The following KALRN variants were observed in gnomAD, a reference collection of about 807,000 sequenced individuals.
The protein encoded by KALRN is kalirin RhoGEF kinase.
A neutral mutation model predicts 353.7 loss-of-function variants in KALRN; 70 were observed. The ratio of observed to expected loss-of-function variants is 0.20; its 90% CI spans 0.16 to 0.24. The LOEUF is 0.24. Ranked by LOEUF, KALRN falls within the 10% of genes least tolerant of loss-of-function variation. KALRN has a pLI of 1.00. For synonymous variants in KALRN, 1,391 were observed against 1,434.8 expected (o/e 0.97, Z 0.69); for missense variants, 2,791 against 3,756.7 (o/e 0.74, Z 6.72).
At chr3:124,311,752 C>T (rs999990446) in intron 6 of KALRN, among the ~76,000 whole-genome samples, 2 of 152,072 alleles carry the variant, frequency 1.3e-5, no homozygotes, top group Non-Finnish European at 2.9e-5. Context: ...CCCAAGTTTC[C>T]ATAAACTGAT....
chr3:124,681,968 A>T (rs1286403001), intron 51 of KALRN, among the ~76,000 whole-genome samples: 1 of 152,164 alleles, frequency 6.6e-6, no homozygotes. Flanking sequence ...GCCAGCTTCA[A>T]ATTAACTTTG....
intron 10 of KALRN, among the ~76,000 whole-genome samples, chr3:124,381,847 T>C (rs1279624653): frequency 6.6e-6 from 1 of 152,080 alleles, no homozygotes; most frequent in African/African-American, 2.4e-5. Context: ...GGAGATACCA[T>C]GGAGATACAT....
intron 7 of KALRN, among the ~76,000 whole-genome samples, chr3:124,328,591 A>T (rs531117995): frequency 2.6e-5 from 4 of 152,324 alleles, no homozygotes; most frequent in African/African-American, 9.6e-5. Flanking sequence ...ATGATCTGAT[A>T]CTCGATGGCA....
rs191191411 is a variant in KALRN at position 124,213,644 on chromosome 3, A to T, written c.74-14346A>T. 2.1e-3 allele frequency among the ~76,000 whole-genome samples: 312 copies of T among 149,728 alleles called. 1 individual carries two copies. The highest frequency in any genetic ancestry group is 0.02 in the Middle Eastern group (6 of 294). On this transcript the variant is annotated intron_variant, in intron 1 of 59. Transcript: ENST00000682506. ...ATGTTTAGCTTTTTAATCCAAAAAC[A>T]TGTGATTTTATTTGAATTTTATTTT... is the stretch of plus-strand genomic sequence containing the variant.
chr3:124,274,190 C>T (rs2074456453), intron 5 of KALRN, among the ~76,000 whole-genome samples: 1 of 152,232 alleles, frequency 6.6e-6, no homozygotes, highest in Middle Eastern at 3.2e-3. Flanking sequence ...GAACTAGAAG[C>T]AGCCGTGAAG....
intron 10 of KALRN, among the ~76,000 whole-genome samples, chr3:124,376,206 T>C (rs1196767738): frequency 6.6e-6 from 1 of 152,164 alleles, no homozygotes; most frequent in Non-Finnish European, 1.5e-5. Flanking sequence ...CCTGCAATAG[T>C]TATTTTTAGT....
chr3:124,160,753 C>A (rs113712864), intron 1 of KALRN, among the ~76,000 whole-genome samples: 6 of 152,132 alleles, frequency 3.9e-5, no homozygotes, highest in South Asian at 2.1e-4. Context: ...ACACTGGGAG[C>A]CTTCTCTGGA....
chr3:124,129,140 T>G (rs2065005484), intron 1 of KALRN, among the ~76,000 whole-genome samples: 1 of 152,196 alleles, frequency 6.6e-6, no homozygotes, highest in Non-Finnish European at 1.5e-5. Context: ...ACAGTCATTG[T>G]GCTCAGGCAG....
At chr3:124,658,594 C>T (rs998045197) in intron 42 of KALRN, 77 bp downstream of exon 42, 36 of 1,068,340 alleles carry the variant, frequency 3.4e-5, no homozygotes, top group East Asian at 2.1e-4. Flanking sequence ...AAATACCAGA[C>T]GTCATCCATC....
intron 1 of KALRN, among the ~76,000 whole-genome samples, chr3:124,080,650 A>G (rs1295585346): frequency 6.6e-6 from 1 of 152,212 alleles, no homozygotes; most frequent in Non-Finnish European, 1.5e-5. Flanking sequence ...CATCATAAAC[A>G]GCGTCTCCTT....
chr3:124,406,407 T>A (rs886402895), intron 13 of KALRN, among the ~76,000 whole-genome samples: 5 of 152,186 alleles, frequency 3.3e-5, no homozygotes, highest in Non-Finnish European at 5.9e-5. Context: ...GTAACCTATA[T>A]CAAAAATTAT....
chr3:124,168,132 C>T (rs1200622751), intron 1 of KALRN, among the ~76,000 whole-genome samples: 1 of 152,142 alleles, frequency 6.6e-6, no homozygotes, highest in African/African-American at 2.4e-5. Flanking sequence ...AAAACAACTG[C>T]AGGGAGTTCC....
At chr3:124,111,990 G>A (rs976594756) in intron 1 of KALRN, among the ~76,000 whole-genome samples, 4 of 150,912 alleles carry the variant, frequency 2.7e-5, no homozygotes, top group Non-Finnish European at 3.0e-5. Context: ...GCAGTTTGCA[G>A]AAGAAAGAAA....
At chr3:124,163,079 A>G (rs1414027274) in intron 1 of KALRN, 1 of 152,208 alleles carries the variant, frequency 6.6e-6, no homozygotes, top group East Asian at 1.9e-4. Flanking sequence ...AGATAAGATG[A>G]TGTTTGAAAT....
At chr3:124,568,553 C>T (rs1277799904) in intron 34 of KALRN, among the ~76,000 whole-genome samples, 3 of 152,148 alleles carry the variant, frequency 2.0e-5, no homozygotes, top group African/African-American at 7.2e-5. Flanking sequence ...ATTTGTACAC[C>T]CATGCTCATA....
At chr3:124,268,239 C>T (rs2073791988) in intron 4 of KALRN, among the ~76,000 whole-genome samples, 1 of 152,084 alleles carries the variant, frequency 6.6e-6, no homozygotes, top group Non-Finnish European at 1.5e-5. Context: ...CACCATACCA[C>T]AGAAGAGCTA....
chr3:124,555,605 T>C (rs1419973372), intron 33 of KALRN, among the ~76,000 whole-genome samples: 1 of 151,976 alleles, frequency 6.6e-6, no homozygotes, highest in African/African-American at 2.4e-5. Flanking sequence ...TAAATTTGGT[T>C]GAAAGGGGCT....
At chr3:124,233,836 T>G (rs1387665475) in intron 2 of KALRN, among the ~76,000 whole-genome samples, 1 of 152,188 alleles carries the variant, frequency 6.6e-6, no homozygotes, top group Non-Finnish European at 1.5e-5. Context: ...AGATGTGGCG[T>G]GAAGAGTCTG....
Position 124,491,376 on chromosome 3 carries a change from C to T in KALRN, c.4641C>T (p.Ala1547=). 1 of 1,610,976 alleles carries T rather than the reference C, an allele frequency of 6.2e-7. No individual in the cohort carries two copies. The highest frequency in any genetic ancestry group is 8.5e-7 in the Non-Finnish European group (1 of 1,178,350). ...TGGAGGGCGATCCCTGCAAATTCGC[C>T]TTGTGGTCTGGGCGCACCCCATCCT... is the stretch of plus-strand genomic sequence containing the variant. The part of the protein sequence containing the change: ...EHVEGDPCKF[A]LWSGRTPSSD... Residue 1547 remains alanine (A), a synonymous_variant, in exon 31 of 60, where the codon GCC becomes GCT. Transcript: ENST00000682506.
Sources: allele counts gnomAD v4.1 joint callset (sites outside exome capture counted in the v4.1 genomes callset), GRCh38; gene constraint gnomAD v4.1.1; transcripts MANE v1.5; gene names NCBI Gene and HGNC (gene_info 2026-07-23, HGNC 2026-07-21).